PRIM2: variants seen among roughly 807,000 people sequenced by gnomAD.
PRIM2 encodes the protein DNA primase subunit 2.
In PRIM2, 39 loss-of-function variants were observed where a neutral mutation model predicts 67.3. The ratio of observed to expected loss-of-function variants is 0.58; its 90% confidence interval spans 0.45 to 0.76. The LOEUF (loss-of-function observed/expected upper bound fraction) is 0.76, where lower values mean the gene tolerates loss of function less well. Ranked by LOEUF, PRIM2 falls within the 30% of genes least tolerant of loss-of-function variation. The pLI, the probability that PRIM2 is intolerant of heterozygous loss-of-function variation, is 0.00. For synonymous variants in PRIM2, 143 were observed against 198.7 expected (o/e 0.72, Z 2.36); for missense variants, 398 against 598.7 (o/e 0.66, Z 3.50).
chr6:57,397,581 A>AT (rs562994690), intron 7 of PRIM2, among the ~76,000 whole-genome samples: 1 of 151,324 alleles, frequency 6.6e-6, no homozygotes, highest in South Asian at 2.1e-4. Context: ...TTCTTGTATC[A>AT]TTTTTTGGAT....
chr6:57,557,356 T>C (rs1289198723), intron 10 of PRIM2, among the ~76,000 whole-genome samples: 1 of 151,898 alleles, frequency 6.6e-6, no homozygotes, highest in Non-Finnish European at 1.5e-5. Flanking sequence ...AGCAAAGACA[T>C]GGAATCACCC....
At position 57,511,408 on chromosome 6, in the gene PRIM2, C is replaced by T. The variant is rs1448286806; in HGVS notation, c.761+3954C>T. On this transcript the variant is annotated intron_variant, in intron 8 of 13. Transcript: ENST00000615550. ...AAAGAAAACACACAATCTCTGTTTT[C>T]AGGGAGTTGGGTTTGATTTCATTTG... 1.1e-4 allele frequency among the ~76,000 whole-genome samples: 16 copies of T among 152,248 alleles called. No homozygotes were observed. In the East Asian group the frequency reaches 2.9e-3, roughly 27 times the overall value.
intron 8 of PRIM2, among the ~76,000 whole-genome samples, chr6:57,526,987 A>G (rs1233851689): frequency 2.0e-5 from 3 of 152,210 alleles, no homozygotes; most frequent in Non-Finnish European, 4.4e-5. Flanking sequence ...TGAGCTCTGA[A>G]TGGAGAAGGG....
intron 5 of PRIM2, among the ~76,000 whole-genome samples, chr6:57,341,278 G>T (rs955655376): frequency 1.3e-5 from 2 of 152,080 alleles, no homozygotes; most frequent in African/African-American, 4.8e-5. Context: ...GAACGTCGGT[G>T]GAGGTTAGTA....
At chr6:57,384,043 A>G (rs1770050856) in intron 7 of PRIM2, among the ~76,000 whole-genome samples, 1 of 152,248 alleles carries the variant, frequency 6.6e-6, no homozygotes, top group South Asian at 2.1e-4. Context: ...GACTTCAGAC[A>G]TAGCTTGCCC....
intron 12 of PRIM2, among the ~76,000 whole-genome samples, chr6:57,618,772 C>A (rs1484998419): frequency 6.6e-6 from 1 of 152,124 alleles, no homozygotes; most frequent in Admixed American, 6.5e-5. Flanking sequence ...CACAGCAAGA[C>A]CCACCCAAGG....
chr6:57,325,922 C>A lies in PRIM2; in HGVS notation c.339-3C>A. The stretch of plus-strand genomic sequence containing the variant: ...GTACTCATAATTTCTGTCTTCATTT[C>A]AGTGAAGAACTTAGACGCTGGTTCA... On this transcript the variant is annotated splice_region_variant and splice_polypyrimidine_tract_variant and intron_variant, in intron 4 of 13. Coordinates refer to ENST00000615550, the MANE Select transcript of PRIM2 (RefSeq NM_000947.5). The A allele has an allele frequency of 6.3e-7, 1 of 1,587,882 alleles. No homozygotes were observed. Among genetic ancestry groups the A allele is most frequent in the South Asian group, 1.2e-5 (1 of 86,842 alleles).
At chr6:57,624,145 T>C (rs1776905061) in intron 12 of PRIM2, among the ~76,000 whole-genome samples, 2 of 152,192 alleles carry the variant, frequency 1.3e-5, no homozygotes, top group African/African-American at 4.8e-5. Context: ...ACAGTAATAA[T>C]TAGTAACTGA....
At chr6:57,495,050 A>T (rs1226378548) in intron 7 of PRIM2, among the ~76,000 whole-genome samples, 1 of 152,216 alleles carries the variant, frequency 6.6e-6, no homozygotes, top group African/African-American at 2.4e-5. Context: ...ATAATTAATC[A>T]CAAGGCTCTA....
chr6:57,379,975 G>A lies in PRIM2; in HGVS notation c.534G>A (p.Leu178=), dbSNP rs1446358667. The A allele has an allele frequency of 2.6e-6, 4 of 1,556,528 alleles. No homozygotes were observed. The highest frequency in any genetic ancestry group is 1.9e-5 in the Admixed American group (1 of 51,656). The change falls in exon 6 of 14, where the codon TTG becomes TTA. Residue 178 remains leucine (L), a synonymous_variant. Coordinates refer to ENST00000615550, the MANE Select transcript of PRIM2 (RefSeq NM_000947.5). ...ASSPSLSGLK[L]GFESIYKIPF... is the part of the protein sequence containing the mutation. ...CACCAAGTTTAAGTGGACTTAAGTTGGGGTTCGAGTCCATTTATAAGGTAT... is the reference window on the plus strand; with the variant it reads ...CACCAAGTTTAAGTGGACTTAAGTTAGGGTTCGAGTCCATTTATAAGGTAT...
intron 5 of PRIM2, among the ~76,000 whole-genome samples, chr6:57,370,693 C>CTTTTT (rs66953171): frequency 4.1e-5 from 5 of 121,998 alleles, no homozygotes; most frequent in African/African-American, 5.9e-5. Flanking sequence ...CTATCTATAG[C>CTTTTT]TTTTTTTTTT....
chr6:57,512,680 C>G (rs1276849490), intron 8 of PRIM2, among the ~76,000 whole-genome samples: 1 of 152,138 alleles, frequency 6.6e-6, no homozygotes, highest in Non-Finnish European at 1.5e-5. Flanking sequence ...TTACTGCAAC[C>G]TCCTCCTACT....
the PRIM2 span, among the ~76,000 whole-genome samples, chr6:57,256,689 T>C: frequency 1.4e-5 from 2 of 143,662 alleles, no homozygotes; most frequent in Admixed American, 1.4e-4. Context: ...ACACACACAG[T>C]TTTTCCTTTC....
chr6:57,272,820 T>G, the PRIM2 span, among the ~76,000 whole-genome samples: 1 of 152,230 alleles, frequency 6.6e-6, no homozygotes, highest in East Asian at 1.9e-4. Context: ...AGGGCAGGCC[T>G]GATGGTGACA....
At chr6:57,424,607 G>A (rs1473180175) in intron 7 of PRIM2, among the ~76,000 whole-genome samples, 31 of 152,232 alleles carry the variant, frequency 2.0e-4, no homozygotes, top group African/African-American at 7.5e-4. Flanking sequence ...CTTATATTAA[G>A]GAGATTACCA....
chr6:57,377,334 T>C (rs1168846237), intron 5 of PRIM2, among the ~76,000 whole-genome samples: 64 of 152,216 alleles, frequency 4.2e-4, no homozygotes, highest in South Asian at 8.3e-4. Context: ...ATCTTGATAC[T>C]TTTTTGTTCT....
In PRIM2 at chr6:57,518,430, T is replaced by C. The variant is rs1774534274; in HGVS notation, c.761+10976T>C. Among the ~76,000 whole-genome samples, 34 of 152,356 alleles carry C rather than the reference T, an allele frequency of 2.2e-4. 1 individual carries two copies. The South Asian group carries it at 7.0e-3, about 32-fold the overall frequency. On this transcript the variant is annotated intron_variant, in intron 8 of 13. Transcript: ENST00000615550. ...ATGATCGTTTTAATTTGTTTGCTTG[T>C]TCAATATTTTTTTGCCTAGGGTATG... is the stretch of plus-strand genomic sequence containing the variant.
chr6:57,305,608 A>G, the PRIM2 span, among the ~76,000 whole-genome samples: 2 of 152,256 alleles, frequency 1.3e-5, no homozygotes, highest in South Asian at 4.1e-4. Context: ...CATCAATTAT[A>G]GAGCATAAAG....
chr6:57,301,294 C>T, the PRIM2 span, among the ~76,000 whole-genome samples: 2 of 151,994 alleles, frequency 1.3e-5, no homozygotes, highest in African/African-American at 2.4e-5. Context: ...TTGAGACCAG[C>T]GTGACCAACA....
Sources: gnomAD v4.1 joint callset for allele counts (sites outside exome capture counted in the v4.1 genomes callset) on GRCh38, gnomAD v4.1.1 for gene constraint, MANE v1.5 for transcripts, NCBI Gene and HGNC (gene_info 2026-07-23, HGNC 2026-07-21) for gene names.